Variants in GARNL3 observed in about 807,000 individuals in gnomAD.
GARNL3 encodes the protein GTPase-activating Rap/Ran-GAP domain-like protein 3.
GARNL3 carries 63 observed loss-of-function variants against 125.0 expected under a neutral mutation model. The ratio of observed to expected loss-of-function variants is 0.50; its 90% CI spans 0.41 to 0.62. The LOEUF (loss-of-function observed/expected upper bound fraction) is 0.62. Ranked by LOEUF, GARNL3 falls within the 20% of genes least tolerant of loss-of-function variation. The probability of loss-of-function intolerance (pLI) is 0.00; values close to 1 mark genes in which losing one functional copy is unlikely to be tolerated. For synonymous variants in GARNL3, 439 were observed against 457.5 expected (o/e 0.96, Z 0.52); for missense variants, 994 against 1,244.0 (o/e 0.80, Z 3.02).
chr9:127,292,341 C>T (rs1014075681), intron 2 of GARNL3, among the ~76,000 whole-genome samples: 7 of 152,170 alleles, frequency 4.6e-5, no homozygotes, highest in African/African-American at 1.7e-4. Flanking sequence ...GCTTCTGAAC[C>T]TTAGAAACAT....
chr9:127,282,833 C>T (rs1271034774), intron 1 of GARNL3, among the ~76,000 whole-genome samples: 1 of 151,988 alleles, frequency 6.6e-6, no homozygotes, highest in Non-Finnish European at 1.5e-5. Context: ...TGAGGAAGTG[C>T]TTTTTGTTTT....
At position 127,365,291 on chromosome 9, in the gene GARNL3, T is replaced by C. The variant is rs1217317187; in HGVS notation, c.2095-9T>C. ...GCCTGCCCACTACCGTTGCCCGTTA[T>C]CATTGCAGGTTAATTTTGTTGCAGC... On this transcript the variant is annotated splice_polypyrimidine_tract_variant and intron_variant, in intron 21 of 27. Transcript: ENST00000373387. 6.2e-7 allele frequency: 1 copy of C among 1,612,610 alleles called. No individual in the cohort carries two copies. The highest frequency in any genetic ancestry group is 2.2e-5 in the East Asian group (1 of 44,882).
chr9:127,337,494 C>T (rs1391204042), intron 11 of GARNL3, among the ~76,000 whole-genome samples: 4 of 152,090 alleles, frequency 2.6e-5, no homozygotes, highest in Non-Finnish European at 5.9e-5. Flanking sequence ...CCAAGGAAAG[C>T]AGGGGTTGGG....
At position 127,299,174 on chromosome 9, in the gene GARNL3, G is replaced by A. The variant is rs1000265223; in HGVS notation, c.219+7932G>A. The stretch of plus-strand genomic sequence containing the variant: ...TACTAAAAATACAAAAAAAGTAGCC[G>A]GGTGTGCTGGCGGGTGCCTGTAGAT... On this transcript the variant is annotated intron_variant, in intron 2 of 27. Transcript: ENST00000373387. Among the ~76,000 whole-genome samples, 6 of 152,016 alleles carry A rather than the reference G, an allele frequency of 3.9e-5. No individual in the cohort carries two copies. The East Asian group carries it at 5.8e-4, about 15-fold the overall frequency.
intron 7 of GARNL3, among the ~76,000 whole-genome samples, chr9:127,327,568 CT>C (rs1014502194): frequency 6.6e-6 from 1 of 152,052 alleles, no homozygotes; most frequent in African/African-American, 2.4e-5. Flanking sequence ...GAGATGCTTG[CT>C]TTTTTTATTT....
intron 2 of GARNL3, among the ~76,000 whole-genome samples, chr9:127,294,432 T>C (rs1455371853): frequency 6.6e-6 from 1 of 152,122 alleles, no homozygotes; most frequent in Non-Finnish European, 1.5e-5. Flanking sequence ...GCCTCCCAAG[T>C]AGCTGGGATT....
chr9:127,273,088 C>T (rs2063863730), intron 1 of GARNL3, among the ~76,000 whole-genome samples: 1 of 152,062 alleles, frequency 6.6e-6, no homozygotes, highest in Non-Finnish European at 1.5e-5. Flanking sequence ...TTAATCCCCA[C>T]AAAAAACCAT....
intron 2 of GARNL3, among the ~76,000 whole-genome samples, chr9:127,257,940 T>A (rs1333187289): frequency 6.6e-6 from 1 of 152,210 alleles, no homozygotes; most frequent in African/African-American, 2.4e-5. Context: ...ATTTATTTAG[T>A]GGCTACTGTG....
intron 21 of GARNL3, among the ~76,000 whole-genome samples, chr9:127,360,970 A>G (rs62579675): frequency 0.39 from 58,760 of 152,096 alleles, 11,675 homozygotes; most frequent in Middle Eastern, 0.47. Context: ...CACTGACCTC[A>G]TTCCCAAAAC....
intron 22 of GARNL3, among the ~76,000 whole-genome samples, chr9:127,381,501 C>A (rs1050225431): frequency 6.6e-6 from 1 of 152,138 alleles, no homozygotes; most frequent in Non-Finnish European, 1.5e-5. Context: ...AGTAACACTA[C>A]CATCTTTACC....
chr9:127,343,686 A>G (rs1013565520), intron 14 of GARNL3, among the ~76,000 whole-genome samples: 3 of 152,266 alleles, frequency 2.0e-5, no homozygotes, highest in Admixed American at 6.5e-5. Flanking sequence ...AAAGAGAACT[A>G]ACATTACTAA....
intron 1 of GARNL3, among the ~76,000 whole-genome samples, chr9:127,236,511 T>G (rs1302728335): frequency 6.6e-6 from 1 of 152,194 alleles, no homozygotes; most frequent in Non-Finnish European, 1.5e-5. Flanking sequence ...CACAGTGGCG[T>G]GATCATAGCT....
At chr9:127,355,554 C>A in intron 20 of GARNL3, 82 bp downstream of exon 20, 2 of 1,338,270 alleles carry the variant, frequency 1.5e-6, no homozygotes, top group Non-Finnish European at 2.1e-6. Context: ...AGTTTGTTAC[C>A]CACTGAGGTT....
chr9:127,325,580 A>G (rs1232902964), intron 7 of GARNL3, among the ~76,000 whole-genome samples: 1 of 152,226 alleles, frequency 6.6e-6, no homozygotes, highest in African/African-American at 2.4e-5. Flanking sequence ...TGGTTTATGT[A>G]TCTTATCCCT....
intron 2 of GARNL3, among the ~76,000 whole-genome samples, chr9:127,248,089 C>T (rs1163062241): frequency 6.6e-6 from 1 of 152,190 alleles, no homozygotes; most frequent in Non-Finnish European, 1.5e-5. Context: ...CTAGTTTGCT[C>T]CTAAGTGTAG....
intron 18 of GARNL3, among the ~76,000 whole-genome samples, 155 bp from the exon 19 acceptor site, chr9:127,354,139 C>T (rs531607271): frequency 1.2e-4 from 18 of 152,276 alleles, no homozygotes; most frequent in Admixed American, 9.2e-4. Context: ...GGGGTGCATA[C>T]GTAATTGCAT....
chr9:127,378,165 A>G (rs1832029009), intron 22 of GARNL3, among the ~76,000 whole-genome samples: 1 of 151,134 alleles, frequency 6.6e-6, no homozygotes, highest in Non-Finnish European at 1.5e-5. Context: ...TGCTTGAACC[A>G]GGGAGGCACA....
At chr9:127,378,339 G>A (rs1209286677) in intron 22 of GARNL3, among the ~76,000 whole-genome samples, 7 of 151,844 alleles carry the variant, frequency 4.6e-5, no homozygotes, top group Non-Finnish European at 1.0e-4. Flanking sequence ...TGTAATCCCA[G>A]CACTTTGGGA....
intron 1 of GARNL3, among the ~76,000 whole-genome samples, chr9:127,236,897 A>G (rs969574367): frequency 2.6e-5 from 4 of 152,220 alleles, no homozygotes; most frequent in African/African-American, 9.6e-5. Context: ...TCCTGCCAGA[A>G]GAAGAAATTT....
Sources: allele counts gnomAD v4.1 joint callset (sites outside exome capture counted in the v4.1 genomes callset), GRCh38; gene constraint gnomAD v4.1.1; transcripts MANE v1.5; gene names NCBI Gene and HGNC (gene_info 2026-07-23, HGNC 2026-07-21).